The following CISD3 variants were observed in gnomAD, a reference collection of about 807,000 sequenced individuals.
CISD3 encodes the protein CDGSH iron sulfur domain 3.
CISD3 carries 11 observed loss-of-function variants against 14.1 expected under a neutral mutation model. The observed-to-expected ratio is 0.78, with a 90% CI of 0.49 to 1.29. The LOEUF (loss-of-function observed/expected upper bound fraction) is 1.29. Ranked by LOEUF, CISD3 falls within the 50% of genes most tolerant of loss-of-function variation. The probability of loss-of-function intolerance (pLI) is 0.00; values close to 1 mark genes in which losing one functional copy is unlikely to be tolerated. For missense variants in CISD3, 156 were observed against 171.6 expected (o/e 0.91, Z 0.51); for synonymous variants, 53 against 69.2 (o/e 0.77, Z 1.16).
rs753673427 is a variant in CISD3, at chr17:38,735,253, G to A, written c.*1798G>A. On this transcript the variant is annotated 3_prime_UTR_variant, in exon 4 of 4. Coordinates refer to ENST00000613478, the MANE Select transcript of CISD3 (RefSeq NM_001136498.2). Reference sequence around the variant, plus strand: ...TTAAGGGGGGCACGGGAGCGCCGTTGACAGTCATCTTGCGCCCCCTGCTGG... The same window carrying A: ...TTAAGGGGGGCACGGGAGCGCCGTTAACAGTCATCTTGCGCCCCCTGCTGG... 248 of 1,458,274 alleles carry A rather than the reference G, an allele frequency of 1.7e-4. No homozygotes were observed. The Middle Eastern group carries it at 3.5e-3, about 20-fold the overall frequency. 90.3% of individuals were successfully genotyped at this position (1,458,274 alleles called of 1,614,324 possible).
Position 38,734,823 on chromosome 17 carries a change from G to A in CISD3, c.*1368G>A, listed in dbSNP as rs915111057. 6.2e-6 allele frequency: 1 copy of A among 160,662 alleles called. No individual in the cohort carries two copies. Among genetic ancestry groups the A allele is most frequent in the African/African-American group, 2.4e-5 (1 of 41,790 alleles). 10.0% of individuals were successfully genotyped at this position (160,662 alleles called of 1,614,324 possible). A position where few individuals can be genotyped will look rare whatever the true frequency, so the allele number is the denominator to read the frequency against. On this transcript the variant is annotated 3_prime_UTR_variant, in exon 4 of 4. Coordinates refer to ENST00000613478, the MANE Select transcript of CISD3 (RefSeq NM_001136498.2). ...GAATCATGCCTAAAGCTTTGGGTCTGAAGGGGCCCCCAACACACCACCTGC... is the reference window on the plus strand; with the variant it reads ...GAATCATGCCTAAAGCTTTGGGTCTAAAGGGGCCCCCAACACACCACCTGC...
rs1295354016 is a variant in CISD3 at position 38,731,379 on chromosome 17, G to A, written c.144G>A (p.Lys48=). The A allele has an allele frequency of 2.6e-6, 4 of 1,551,558 alleles. No individual in the cohort carries two copies. The highest frequency in any genetic ancestry group is 1.7e-6 in the Non-Finnish European group (2 of 1,146,990). ...TGGTGGCCCTGAAGACCCCCATCAAGGTGGAGCTGGTGGCAGGGAAAACCT... is the reference window on the plus strand; with the variant it reads ...TGGTGGCCCTGAAGACCCCCATCAAAGTGGAGCTGGTGGCAGGGAAAACCT... The part of the protein sequence containing the change: ...RSVVALKTPI[K]VELVAGKTYR... The change falls in exon 3 of 4, where the codon AAG becomes AAA. Residue 48 remains lysine (K), a synonymous_variant. Transcript: ENST00000613478.
chr17:38,733,572 C>A lies in CISD3; in HGVS notation c.*117C>A. ...AAGAGACTCTGGTACCCACTGCTGG[C>A]TCATGAAGGAAGAATTATTCCTTAT... is the stretch of plus-strand genomic sequence containing the variant. On this transcript the variant is annotated 3_prime_UTR_variant, in exon 4 of 4. Coordinates refer to ENST00000613478, the MANE Select transcript of CISD3 (RefSeq NM_001136498.2). 9.6e-7 allele frequency: 1 copy of A among 1,045,180 alleles called. No homozygotes were observed. 64.7% of individuals were successfully genotyped at this position (1,045,180 alleles called of 1,614,324 possible).
In CISD3 at chr17:38,730,355, G is replaced by T. The variant is rs1906273539; in HGVS notation, c.-4G>T. ...AGCGGGCGGGCGCGGCGCGGGAGGCGACCATGCGCGGCGCGGGGGCGATCC... is the reference window on the plus strand; with the variant it reads ...AGCGGGCGGGCGCGGCGCGGGAGGCTACCATGCGCGGCGCGGGGGCGATCC... On this transcript the variant is annotated 5_prime_UTR_variant, in exon 1 of 4. Transcript: ENST00000613478. The T allele has an allele frequency of 8.7e-7, 1 of 1,154,354 alleles. No individual in the cohort carries two copies. Among genetic ancestry groups the T allele is most frequent in the Non-Finnish European group, 1.1e-6 (1 of 938,866 alleles). 71.5% of individuals were successfully genotyped at this position (1,154,354 alleles called of 1,614,324 possible).
Position 38,735,597 on chromosome 17 carries a change from C to T in CISD3, c.*2142C>T, listed in dbSNP as rs748359148. The T allele has an allele frequency of 1.9e-5, 30 of 1,559,142 alleles. No homozygotes were observed. Among genetic ancestry groups the T allele is most frequent in the African/African-American group, 1.6e-4 (12 of 73,972 alleles). On this transcript the variant is annotated 3_prime_UTR_variant, in exon 4 of 4. Coordinates refer to ENST00000613478, the MANE Select transcript of CISD3 (RefSeq NM_001136498.2). ...ACACGGTACTTGAGGGGGAGAGGCCCGTTCTGCGGGGAGAGTGGGGAGGAG... is the reference window on the plus strand; with the variant it reads ...ACACGGTACTTGAGGGGGAGAGGCCTGTTCTGCGGGGAGAGTGGGGAGGAG...
chr17:38,735,227 G>A lies in CISD3; in HGVS notation c.*1772G>A. Reference sequence around the variant, plus strand: ...GAAGGGAGAGGGTCCCTGGCCTCAAGTTAAGGGGGGCACGGGAGCGCCGTT... The same window carrying A: ...GAAGGGAGAGGGTCCCTGGCCTCAAATTAAGGGGGGCACGGGAGCGCCGTT... On this transcript the variant is annotated 3_prime_UTR_variant, in exon 4 of 4. Coordinates refer to ENST00000613478, the MANE Select transcript of CISD3 (RefSeq NM_001136498.2). 1.4e-6 allele frequency: 2 copies of A among 1,427,608 alleles called. No individual in the cohort carries two copies. The highest frequency in any genetic ancestry group is 1.5e-5 in the South Asian group (1 of 65,032). The allele number at this position is 1,427,608 out of a possible 1,614,324, so 88.4% of individuals were successfully genotyped here.
At chr17:38,731,166 TG>T in intron 2 of CISD3, 153 bp from the exon 3 acceptor site, 1 of 1,033,126 alleles carries the variant, frequency 9.7e-7, no homozygotes, top group Non-Finnish European at 1.4e-6. Context: ...TATGGTGTCC[TG>T]GGGAACGGTC....
chr17:38,731,170 G>T, intron 2 of CISD3, 150 bp from the exon 3 acceptor site: 1 of 1,058,666 alleles, frequency 9.4e-7, no homozygotes. Flanking sequence ...GTGTCCTGGG[G>T]AACGGTCTTG....
In CISD3 at chr17:38,735,509, GTGT is replaced by G; in HGVS notation, c.*2057_*2059del. 6.3e-7 allele frequency: 1 copy of G among 1,593,186 alleles called. No individual in the cohort carries two copies. The highest frequency in any genetic ancestry group is 8.5e-7 in the Non-Finnish European group (1 of 1,170,044). Reference sequence around the variant, plus strand: ...TGACTCACACTCGGACGCCCCGCTGGTGTTGGTGCCCTCGGAGGGGGTGGGCAC... The same window carrying G: ...TGACTCACACTCGGACGCCCCGCTGGTGGTGCCCTCGGAGGGGGTGGGCAC... On this transcript the variant is annotated 3_prime_UTR_variant, in exon 4 of 4. Coordinates refer to ENST00000613478, the MANE Select transcript of CISD3 (RefSeq NM_001136498.2).
rs1264272547 is a variant in CISD3 at position 38,733,420 on chromosome 17, C to T, written c.349C>T (p.Arg117Cys). Reference protein sequence around the residue: ...PYCDGTHRSERVQKAEVGSPL With the variant: ...PYCDGTHRSECVQKAEVGSPL ...CTGCGATGGCACCCACAGGAGTGAG[C>T]GCGTGCAGAAGGCAGAAGTGGGCTC... The change falls in exon 4 of 4, where the codon CGC (arginine) becomes TGC (cysteine). Residue 117 changes from arginine to cysteine, a missense_variant. Physicochemically the swap from Arg to Cys is radical, Grantham distance 180 (BLOSUM62 -3). Coordinates refer to ENST00000613478, the MANE Select transcript of CISD3 (RefSeq NM_001136498.2). 1.0e-5 allele frequency: 16 copies of T among 1,548,244 alleles called. No homozygotes were observed. In the South Asian group the frequency reaches 1.1e-4, roughly 10 times the overall value.
At chr17:38,731,165 C>T in intron 2 of CISD3, 155 bp from the exon 3 acceptor site, 1 of 1,030,570 alleles carries the variant, frequency 9.7e-7, no homozygotes, top group Non-Finnish European at 1.4e-6. Context: ...CTATGGTGTC[C>T]TGGGGAACGG....
At position 38,735,531 on chromosome 17, in the gene CISD3, T is replaced by A. The variant is rs1401012738; in HGVS notation, c.*2076T>A. ...CTGGTGTTGGTGCCCTCGGAGGGGG[T>A]GGGCACCGTGGCTAGGGTGAGCCGC... On this transcript the variant is annotated 3_prime_UTR_variant, in exon 4 of 4. Transcript: ENST00000613478. 1.3e-6 allele frequency: 2 copies of A among 1,584,216 alleles called. No homozygotes were observed. The highest frequency in any genetic ancestry group is 1.1e-5 in the South Asian group (1 of 87,014).
At position 38,734,322 on chromosome 17, in the gene CISD3, GT is replaced by G. The variant is rs1906506838; in HGVS notation, c.*869del. 6.6e-6 allele frequency: 1 copy of G among 152,510 alleles called. No homozygotes were observed. Among genetic ancestry groups the G allele is most frequent in the Admixed American group, 6.5e-5 (1 of 15,272 alleles). The allele number at this position is 152,510 out of a possible 1,614,324, so 9.4% of individuals were successfully genotyped here. The stretch of plus-strand genomic sequence containing the variant: ...AGTCTGGGATCTGTGCTTGTGTGAG[GT>G]TAACCCACCCCCACTTCCACTCTAG... On this transcript the variant is annotated 3_prime_UTR_variant, in exon 4 of 4. Transcript: ENST00000613478.
rs958318108 is a variant in CISD3 at position 38,733,423 on chromosome 17, G to A, written c.352G>A (p.Val118Met). 8.4e-6 allele frequency: 13 copies of A among 1,547,294 alleles called. No homozygotes were observed. The highest frequency in any genetic ancestry group is 1.7e-4 in the Middle Eastern group (1 of 6,002). ...CGATGGCACCCACAGGAGTGAGCGC[G>A]TGCAGAAGGCAGAAGTGGGCTCCCC... The part of the protein sequence containing the change: ...YCDGTHRSER[V>M]QKAEVGSPL Residue 118 changes from valine (V) to methionine (M), a missense_variant, in exon 4 of 4, where the codon GTG becomes ATG. Val to Met is a conservative substitution (Grantham distance 21, BLOSUM62 1). Transcript: ENST00000613478.
Position 38,734,982 on chromosome 17 carries a change from A to T in CISD3, c.*1527A>T, listed in dbSNP as rs2078713642. On this transcript the variant is annotated 3_prime_UTR_variant, in exon 4 of 4. Coordinates refer to ENST00000613478, the MANE Select transcript of CISD3 (RefSeq NM_001136498.2). Reference sequence around the variant, plus strand: ...AAAAAATGAACACCATTTTCCACACATACACACACACATAAAGTTTGTTTC... The same window carrying T: ...AAAAAATGAACACCATTTTCCACACTTACACACACACATAAAGTTTGTTTC... 2.9e-6 allele frequency: 1 copy of T among 343,740 alleles called. No individual in the cohort carries two copies. Among genetic ancestry groups the T allele is most frequent in the Admixed American group, 4.6e-5 (1 of 21,618 alleles). 21.3% of individuals were successfully genotyped at this position (343,740 alleles called of 1,614,324 possible).
rs1288043390 is a variant in CISD3 at position 38,733,974 on chromosome 17, C to CA, written c.*520dup. ...AAAGGAGGGTACAGTCACAGGACCT[C>CA]AGACACAGGACAAGGTGCAAACACA... On this transcript the variant is annotated 3_prime_UTR_variant, in exon 4 of 4. Coordinates refer to ENST00000613478, the MANE Select transcript of CISD3 (RefSeq NM_001136498.2). 6.5e-6 allele frequency: 1 copy of CA among 153,838 alleles called. No homozygotes were observed. The highest frequency in any genetic ancestry group is 1.4e-5 in the Non-Finnish European group (1 of 69,294). The allele number at this position is 153,838 out of a possible 1,614,324, so 9.5% of individuals were successfully genotyped here.
intron 3 of CISD3, chr17:38,731,720 G>C: frequency 2.5e-6 from 1 of 402,592 alleles, no homozygotes; most frequent in Non-Finnish European, 4.6e-6. Flanking sequence ...GAGGTGCACT[G>C]CATGGCGAAG....
chr17:38,730,943 G>C (rs550073294), intron 2 of CISD3, 148 bp downstream of exon 2: 3 of 857,592 alleles, frequency 3.5e-6, no homozygotes, highest in Non-Finnish European at 5.5e-6. Flanking sequence ...GCGGACCAGA[G>C]GGCACTGGGC....
rs369004453 is a variant in CISD3 at position 38,731,548 on chromosome 17, G to A, written c.204+109G>A. 180 of 1,418,968 alleles carry A rather than the reference G, an allele frequency of 1.3e-4. No homozygotes were observed. The East Asian group carries it at 4.2e-3, about 33-fold the overall frequency. The allele number at this position is 1,418,968 out of a possible 1,614,324, so 87.9% of individuals were successfully genotyped here. Reference sequence around the variant, plus strand: ...TTATTCTTCCCACACATACCTGAGGGACACCAAGGGGGCTTGGGAACAAAA... The same window carrying A: ...TTATTCTTCCCACACATACCTGAGGAACACCAAGGGGGCTTGGGAACAAAA... On this transcript the variant is annotated intron_variant, in intron 3 of 3. Transcript: ENST00000613478.
Sources: gnomAD v4.1 joint callset for allele counts on GRCh38, gnomAD v4.1.1 for gene constraint, MANE v1.5 for transcripts, NCBI Gene and HGNC (gene_info 2026-07-23, HGNC 2026-07-21) for gene names.